The following CHCHD6 variants were observed in gnomAD, a reference collection of about 807,000 sequenced individuals.
CHCHD6 encodes the protein coiled-coil-helix-coiled-coil-helix domain containing 6, also known as MICOS complex subunit MIC25.
In CHCHD6, 28 loss-of-function variants were observed where a neutral mutation model predicts 32.3. The ratio of observed to expected loss-of-function variants is 0.87; its 90% CI spans 0.64 to 1.19. The LOEUF is 1.19. CHCHD6 is among the 50% of genes most tolerant of loss of function. CHCHD6 has a pLI of 0.00. For missense variants in CHCHD6, 333 were observed against 307.0 expected (o/e 1.08, Z -0.63); for synonymous variants, 122 against 117.5 (o/e 1.04, Z -0.25).
At chr3:126,771,185 ATTTCTTTTTTTCTTTTTCCT>A (rs1244801896) in intron 4 of CHCHD6, among the ~76,000 whole-genome samples, 2 of 141,728 alleles carry the variant, frequency 1.4e-5, no homozygotes, top group Non-Finnish European at 3.1e-5. Flanking sequence ...ACCCTTTATT[ATTTCTTTTTTTCTTTTTCCT>A]TTTCTTTTTT....
intron 4 of CHCHD6, among the ~76,000 whole-genome samples, chr3:126,802,158 T>C (rs2107691143): frequency 6.6e-6 from 1 of 152,200 alleles, no homozygotes; most frequent in African/African-American, 2.4e-5. Flanking sequence ...GCAGAGTGCC[T>C]CTCCTCCTCC....
chr3:126,847,549 A>G (rs895804270), intron 4 of CHCHD6, among the ~76,000 whole-genome samples: 1 of 152,184 alleles, frequency 6.6e-6, no homozygotes, highest in Non-Finnish European at 1.5e-5. Context: ...GCCATATTCT[A>G]TTTATTAATA....
chr3:126,779,976 T>A (rs1937853301), intron 4 of CHCHD6, among the ~76,000 whole-genome samples: 1 of 152,222 alleles, frequency 6.6e-6, no homozygotes, highest in East Asian at 1.9e-4. Context: ...ACTTAATCAA[T>A]GAAAATGTGA....
chr3:126,906,940 C>T (rs1405809591), intron 5 of CHCHD6, among the ~76,000 whole-genome samples: 2 of 152,156 alleles, frequency 1.3e-5, no homozygotes, highest in Non-Finnish European at 2.9e-5. Flanking sequence ...ACCCAGATGA[C>T]TGGTGGGCAT....
At position 126,812,691 on chromosome 3, in the gene CHCHD6, C is replaced by T. The variant is rs991517627; in HGVS notation, c.412-39956C>T. Among the ~76,000 whole-genome samples the T allele has an allele frequency of 2.3e-4, 35 of 152,072 alleles. 2 individuals are homozygous for T. Among genetic ancestry groups the T allele is most frequent in the African/African-American group, 4.8e-5 (2 of 41,412 alleles). On this transcript the variant is annotated intron_variant, in intron 4 of 7. Coordinates refer to ENST00000290913, the MANE Select transcript of CHCHD6 (RefSeq NM_032343.3). ...AGGTAATCTGCCTACCTCAGCCTCC[C>T]ACAGTGCTGGGATTACAAGCATGAG...
intron 4 of CHCHD6, chr3:126,766,963 A>T (rs1937395133): frequency 3.1e-6 from 3 of 971,392 alleles, no homozygotes; most frequent in Non-Finnish European, 4.9e-6. Context: ...GGAGTCCAGG[A>T]CCAGTGTGTG....
At chr3:126,832,074 T>C (rs1403371772) in intron 4 of CHCHD6, among the ~76,000 whole-genome samples, 1 of 152,206 alleles carries the variant, frequency 6.6e-6, no homozygotes, top group African/African-American at 2.4e-5. Context: ...TCTTATGAGG[T>C]GCCAGGAGCT....
intron 5 of CHCHD6, among the ~76,000 whole-genome samples, chr3:126,878,442 C>T (rs1331466203): frequency 6.6e-6 from 1 of 152,198 alleles, no homozygotes; most frequent in East Asian, 1.9e-4. Flanking sequence ...AGTCCACGTA[C>T]CACTGAGGAT....
intron 4 of CHCHD6, among the ~76,000 whole-genome samples, chr3:126,794,499 A>G (rs758673680): frequency 6.4e-4 from 97 of 150,858 alleles, no homozygotes; most frequent in Non-Finnish European, 1.1e-3. Context: ...ATCCATTTTT[A>G]TATCTCTAGT....
chr3:126,758,662 A>G (rs1026949842), intron 4 of CHCHD6, among the ~76,000 whole-genome samples: 1 of 152,198 alleles, frequency 6.6e-6, no homozygotes, highest in African/African-American at 2.4e-5. Flanking sequence ...TTTAATTCTC[A>G]AGCCACTCTC....
chr3:126,841,178 AATG>A (rs572988108), intron 4 of CHCHD6, among the ~76,000 whole-genome samples: 1,807 of 152,288 alleles, frequency 0.012, 19 homozygotes, highest in Middle Eastern at 0.048. Flanking sequence ...GCTCACTGAG[AATG>A]ATGATTTCCA....
intron 4 of CHCHD6, among the ~76,000 whole-genome samples, chr3:126,761,506 G>A (rs1259278605): frequency 6.6e-6 from 1 of 152,102 alleles, no homozygotes; most frequent in Non-Finnish European, 1.5e-5. Flanking sequence ...GCTAACTCCA[G>A]CCTCCAATGG....
intron 5 of CHCHD6, among the ~76,000 whole-genome samples, chr3:126,886,076 A>G (rs1478384777): frequency 6.6e-6 from 1 of 152,216 alleles, no homozygotes; most frequent in African/African-American, 2.4e-5. Context: ...GGAGGCTGCT[A>G]GATTGTAACA....
Position 126,899,854 on chromosome 3 carries a change from G to C in CHCHD6, c.496-14826G>C, listed in dbSNP as rs886925162. 2.0e-5 allele frequency among the ~76,000 whole-genome samples: 3 copies of C among 152,160 alleles called. No individual in the cohort carries two copies. The East Asian group carries it at 5.8e-4, about 29-fold the overall frequency. ...AGGAGATGGAAATCACCAAATTTGTGGTGACCTCATCTAGCCACTTGATTT... is the reference window on the plus strand; with the variant it reads ...AGGAGATGGAAATCACCAAATTTGTCGTGACCTCATCTAGCCACTTGATTT... On this transcript the variant is annotated intron_variant, in intron 5 of 7. Transcript: ENST00000290913.
chr3:126,906,112 A>G lies in CHCHD6; in HGVS notation c.496-8568A>G, dbSNP rs755596867. 1.6e-4 allele frequency among the ~76,000 whole-genome samples: 25 copies of G among 151,994 alleles called. No individual in the cohort carries two copies. The Middle Eastern group carries it at 0.014, about 83-fold the overall frequency. The stretch of plus-strand genomic sequence containing the variant: ...AGCCCATCCTCAGCACCTCACTCCC[A>G]CTCCAGCTGCTGTCTTGACTTCCCC... On this transcript the variant is annotated intron_variant, in intron 5 of 7. Coordinates refer to ENST00000290913, the MANE Select transcript of CHCHD6 (RefSeq NM_032343.3).
At chr3:126,885,658 G>T (rs936776364) in intron 5 of CHCHD6, among the ~76,000 whole-genome samples, 2 of 152,184 alleles carry the variant, frequency 1.3e-5, no homozygotes, top group Non-Finnish European at 2.9e-5. Flanking sequence ...TATATCTAAA[G>T]AACCATTACT....
intron 4 of CHCHD6, among the ~76,000 whole-genome samples, chr3:126,788,248 C>T (rs185095576): frequency 0.013 from 1,988 of 152,138 alleles, 48 homozygotes; most frequent in African/African-American, 0.045. Flanking sequence ...TGAGGATTTT[C>T]GCATTGATGT....
At chr3:126,815,740 CA>C (rs1309643295) in intron 4 of CHCHD6, among the ~76,000 whole-genome samples, 2 of 151,528 alleles carry the variant, frequency 1.3e-5, no homozygotes, top group Non-Finnish European at 2.9e-5. Context: ...CTGGTCATGC[CA>C]CTCCTTTGAT....
At chr3:126,800,409 C>A (rs549526761) in intron 4 of CHCHD6, among the ~76,000 whole-genome samples, 4 of 152,150 alleles carry the variant, frequency 2.6e-5, no homozygotes, top group African/African-American at 9.7e-5. Flanking sequence ...AGCTGGAACT[C>A]GGGCCTGCAG....
Sources: allele counts gnomAD v4.1 joint callset (sites outside exome capture counted in the v4.1 genomes callset), GRCh38; gene constraint gnomAD v4.1.1; transcripts MANE v1.5; gene names NCBI Gene and HGNC (gene_info 2026-07-23, HGNC 2026-07-21).